The following USP3 variants were observed in gnomAD, a reference collection of about 807,000 sequenced individuals.
USP3 encodes ubiquitin specific peptidase 3.
Under a neutral mutation model 72.3 loss-of-function variants are expected in USP3, and 20 were observed. That is an observed-to-expected ratio of 0.28 (90% CI 0.19 to 0.40). USP3 has a LOEUF of 0.40. Among genes scored for constraint, USP3 ranks in the 10% least tolerant of loss-of-function variants. The pLI, the probability that USP3 is intolerant of heterozygous loss-of-function variation, is 1.00. For missense variants in USP3, 479 were observed against 633.9 expected, an observed-to-expected ratio of 0.76 and a Z score of 2.62; for synonymous variants, 222 against 225.3, an observed-to-expected ratio of 0.99 and a Z score of 0.13.
chr15:63,575,395 C>CT (rs2066847162), intron 11 of USP3, among the ~76,000 whole-genome samples: 1 of 152,064 alleles, frequency 6.6e-6, no homozygotes, highest in African/African-American at 2.4e-5. Context: ...AAGGGCTAGG[C>CT]TTCTCTGTGC....
At chr15:63,590,308 C>T (rs148156076) in intron 14 of USP3, among the ~76,000 whole-genome samples, 5 of 152,262 alleles carry the variant, frequency 3.3e-5, no homozygotes, top group East Asian at 1.9e-4. Context: ...CTGATGACCA[C>T]GGTGTCAGGG....
intron 1 of USP3, among the ~76,000 whole-genome samples, chr15:63,522,046 A>AT (rs1384347636): frequency 1.3e-5 from 2 of 151,952 alleles, no homozygotes; most frequent in African/African-American, 4.8e-5. Context: ...CGCTCAAGTT[A>AT]TTTTCCCGTT....
Position 63,576,963 on chromosome 15 carries a change from C to T in USP3, c.1096+2560C>T, listed in dbSNP as rs141413933. The stretch of plus-strand genomic sequence containing the variant: ...TTGTGATTACCTAGTATGTCTTCTA[C>T]GTGCTTTGAGTCCACCTGGCAAGAA... On this transcript the variant is annotated intron_variant, in intron 11 of 14. Transcript: ENST00000380324. Among the ~76,000 whole-genome samples the T allele has an allele frequency of 1.7e-4, 26 of 152,250 alleles. No individual in the cohort carries two copies. The Middle Eastern group carries it at 0.01, about 60-fold the overall frequency.
intron 3 of USP3, among the ~76,000 whole-genome samples, chr15:63,548,542 G>A (rs1392926572): frequency 1.3e-5 from 2 of 152,094 alleles, no homozygotes; most frequent in Non-Finnish European, 1.5e-5. Context: ...TGGTCAGGCT[G>A]ATCGCGAACT....
chr15:63,545,566 TTTCAAGTATTTTGTTTTTTTTTAATG>T (rs1326612787), intron 3 of USP3, among the ~76,000 whole-genome samples: 1 of 152,154 alleles, frequency 6.6e-6, no homozygotes, highest in East Asian at 1.9e-4. Context: ...CTAGTACAAT[TTTCAAGTATTTTGTTTTTTTTTAATG>T]TTCAGTGTAC....
intron 7 of USP3, among the ~76,000 whole-genome samples, chr15:63,561,863 G>A (rs1442272593): frequency 6.6e-6 from 1 of 152,232 alleles, no homozygotes; most frequent in East Asian, 1.9e-4. Context: ...TACCAATCAA[G>A]TATCCGAAAA....
intron 1 of USP3, among the ~76,000 whole-genome samples, chr15:63,518,553 A>G (rs2065879538): frequency 6.6e-6 from 1 of 152,198 alleles, no homozygotes; most frequent in Non-Finnish European, 1.5e-5. Context: ...CAGAATTTAA[A>G]AAGACTTTTG....
At chr15:63,535,935 T>C (rs1595723244) in intron 2 of USP3, among the ~76,000 whole-genome samples, 4 of 152,246 alleles carry the variant, frequency 2.6e-5, no homozygotes, top group Non-Finnish European at 1.5e-5. Context: ...CTTCCACACA[T>C]TGGCTGCTTT....
chr15:63,566,503 C>T (rs1222920503), intron 8 of USP3, among the ~76,000 whole-genome samples: 2 of 151,760 alleles, frequency 1.3e-5, no homozygotes, highest in African/African-American at 2.4e-5. Context: ...TTAATAGAGA[C>T]GGGATTTCAC....
chr15:63,518,072 T>C (rs2065875211), intron 1 of USP3, among the ~76,000 whole-genome samples: 1 of 152,222 alleles, frequency 6.6e-6, no homozygotes, highest in African/African-American at 2.4e-5. Flanking sequence ...TGTATATCAT[T>C]TGTAATCCTG....
chr15:63,550,520 T>C (rs1458722143), intron 3 of USP3, among the ~76,000 whole-genome samples: 1 of 152,224 alleles, frequency 6.6e-6, no homozygotes, highest in Non-Finnish European at 1.5e-5. Context: ...CAACATAAGA[T>C]CAGTTTTTAA....
At chr15:63,577,688 G>A (rs2152680310) in intron 11 of USP3, among the ~76,000 whole-genome samples, 1 of 152,330 alleles carries the variant, frequency 6.6e-6, no homozygotes, top group East Asian at 1.9e-4. Flanking sequence ...GGAGTCAGAG[G>A]TTGCAGTGAG....
At chr15:63,580,703 T>TTC (rs2066942591) in intron 11 of USP3, among the ~76,000 whole-genome samples, 1 of 115,844 alleles carries the variant, frequency 8.6e-6, no homozygotes, top group Non-Finnish European at 1.8e-5. Context: ...TATACTTATT[T>TTC]TAATATTTAT....
At chr15:63,527,498 G>T (rs984446908) in intron 1 of USP3, among the ~76,000 whole-genome samples, 1 of 152,092 alleles carries the variant, frequency 6.6e-6, no homozygotes, top group Non-Finnish European at 1.5e-5. Context: ...TGTCATAAGC[G>T]GTCATGTATG....
chr15:63,538,109 A>G (rs983419427), intron 3 of USP3, among the ~76,000 whole-genome samples: 1 of 151,996 alleles, frequency 6.6e-6, no homozygotes, highest in Non-Finnish European at 1.5e-5. Context: ...TTTTGTGACT[A>G]CTTAGAACTA....
At chr15:63,534,093 A>G (rs1378768545) in intron 2 of USP3, among the ~76,000 whole-genome samples, 3 of 152,158 alleles carry the variant, frequency 2.0e-5, no homozygotes, top group African/African-American at 7.2e-5. Flanking sequence ...AATAAATGGA[A>G]AAATTTCTAG....
At chr15:63,578,381 G>A (rs1178611277) in intron 11 of USP3, among the ~76,000 whole-genome samples, 1 of 151,782 alleles carries the variant, frequency 6.6e-6, no homozygotes, top group Non-Finnish European at 1.5e-5. Flanking sequence ...GAGGCGGGTG[G>A]ATCACGAGGT....
Position 63,591,044 on chromosome 15 carries a change from T to G in USP3, c.*218T>G. The G allele has an allele frequency of 2.1e-6, 1 of 473,538 alleles. No homozygotes were observed. The highest frequency in any genetic ancestry group is 4.7e-5 in the South Asian group (1 of 21,280). The allele number at this position is 473,538 out of a possible 1,614,324, so 29.3% of individuals were successfully genotyped here. A position where few individuals can be genotyped will look rare whatever the true frequency, so the allele number is the denominator to read the frequency against. ...CAGATGTTTTGATTTGCTGCTTTAG[T>G]TGTAATAATTCAATTTTTATAGGTA... On this transcript the variant is annotated 3_prime_UTR_variant, in exon 15 of 15. Coordinates refer to ENST00000380324, the MANE Select transcript of USP3 (RefSeq NM_006537.4).
rs1308120906 is a variant in USP3 at position 63,591,523 on chromosome 15, A to C, written c.*697A>C. ...GGGCATACTTGTTTGCGGGGAGGTAAGATGGGAGTAAAGACCAAATACATG... is the reference window on the plus strand; with the variant it reads ...GGGCATACTTGTTTGCGGGGAGGTACGATGGGAGTAAAGACCAAATACATG... On this transcript the variant is annotated 3_prime_UTR_variant, in exon 15 of 15. Transcript: ENST00000380324. The C allele has an allele frequency of 1.3e-5, 2 of 152,192 alleles. No individual in the cohort carries two copies. The highest frequency in any genetic ancestry group is 2.9e-5 in the Non-Finnish European group (2 of 68,062). The allele number at this position is 152,192 out of a possible 1,614,324, so 9.4% of individuals were successfully genotyped here.
Sources: allele counts gnomAD v4.1 joint callset (sites outside exome capture counted in the v4.1 genomes callset), GRCh38; gene constraint gnomAD v4.1.1; transcripts MANE v1.5; gene names NCBI Gene and HGNC (gene_info 2026-07-23, HGNC 2026-07-21).